The following PDK1 variants were observed in gnomAD, a reference collection of about 807,000 sequenced individuals.
The protein encoded by PDK1 is pyruvate dehydrogenase kinase 1.
A neutral mutation model predicts 54.2 loss-of-function variants in PDK1; 39 were observed. The ratio of observed to expected loss-of-function variants is 0.72; its 90% CI spans 0.56 to 0.94. PDK1 has a LOEUF of 0.94. Ranked by LOEUF, PDK1 falls within the 40% of genes least tolerant of loss-of-function variation. PDK1 has a pLI of 0.00. For synonymous variants in PDK1, 221 were observed against 207.1 expected, an observed-to-expected ratio of 1.07 and a Z score of -0.58; for missense variants, 552 against 566.0, an observed-to-expected ratio of 0.98 and a Z score of 0.25.
At chr2:172,702,604 CTTT>C in the PDK1 span, among the ~76,000 whole-genome samples, 5 of 139,754 alleles carry the variant, frequency 3.6e-5, no homozygotes, top group East Asian at 2.1e-4. Flanking sequence ...TCCTAACTGC[CTTT>C]TTTTTTTTTT....
chr2:172,564,957 G>T lies in PDK1; in HGVS notation c.596-21G>T, dbSNP rs373487872. Reference sequence around the variant, plus strand: ...TTAGGTGGTTTAGCTTATTTTGTTGGTTTTTTTCCTTTTTGGATAGCTTTA... The same window carrying T: ...TTAGGTGGTTTAGCTTATTTTGTTGTTTTTTTTCCTTTTTGGATAGCTTTA... On this transcript the variant is annotated intron_variant, in intron 4 of 10. Coordinates refer to ENST00000282077, the MANE Select transcript of PDK1 (RefSeq NM_002610.5). 2.2e-5 allele frequency: 35 copies of T among 1,560,968 alleles called. No homozygotes were observed. In the Middle Eastern group the frequency reaches 8.4e-4, roughly 37 times the overall value.
At chr2:172,713,856 C>A in the PDK1 span, among the ~76,000 whole-genome samples, 3 of 152,346 alleles carry the variant, frequency 2.0e-5, no homozygotes, top group Non-Finnish European at 4.4e-5. Flanking sequence ...GAGCGCACAG[C>A]CCTGGCTGCA....
At chr2:172,576,161 C>T (rs13009677) in intron 8 of PDK1, among the ~76,000 whole-genome samples, 9 of 152,180 alleles carry the variant, frequency 5.9e-5, no homozygotes, top group Admixed American at 2.6e-4. Context: ...CTCCTGACCT[C>T]GTGATCCACC....
At chr2:172,564,320 C>T (rs1688818884) in intron 3 of PDK1, among the ~76,000 whole-genome samples, 183 bp from the exon 4 acceptor site, 1 of 152,194 alleles carries the variant, frequency 6.6e-6, no homozygotes, top group African/African-American at 2.4e-5. Flanking sequence ...GGTCTGTATA[C>T]TTTCATAGAT....
intron 3 of PDK1, 101 bp from the exon 4 acceptor site, chr2:172,564,402 A>C: frequency 1.2e-6 from 1 of 865,460 alleles, no homozygotes; most frequent in Non-Finnish European, 1.8e-6. Context: ...CCTTTTATTA[A>C]ATTGGGGATT....
intron 8 of PDK1, among the ~76,000 whole-genome samples, chr2:172,575,340 T>C (rs1218369790): frequency 1.3e-5 from 2 of 152,144 alleles, no homozygotes; most frequent in African/African-American, 4.8e-5. Context: ...ATAGAATGAG[T>C]AGGGAATTTC....
chr2:172,558,965 T>C, intron 2 of PDK1, 116 bp downstream of exon 2: 1 of 1,110,050 alleles, frequency 9.0e-7, no homozygotes, highest in Non-Finnish European at 1.3e-6. Context: ...TTTGTTTTGT[T>C]TGAGACGGAG....
chr2:172,586,199 C>A, intron 8 of PDK1, 79 bp from the exon 9 acceptor site: 16 of 717,208 alleles, frequency 2.2e-5, no homozygotes, highest in South Asian at 4.6e-5. Flanking sequence ...AGCAGTTAAA[C>A]TGTGATGCTA....
chr2:172,685,654 C>A, the PDK1 span, among the ~76,000 whole-genome samples: 1 of 152,132 alleles, frequency 6.6e-6, no homozygotes, highest in African/African-American at 2.4e-5. Flanking sequence ...TTGATCATTG[C>A]AAATATGCCA....
the PDK1 span, among the ~76,000 whole-genome samples, chr2:172,622,703 CAT>C: frequency 3.3e-3 from 382 of 115,680 alleles, no homozygotes; most frequent in African/African-American, 8.4e-3. Context: ...GTTTATATCT[CAT>C]ATATTATGTG....
chr2:172,683,363 A>G, the PDK1 span, among the ~76,000 whole-genome samples: 961 of 147,170 alleles, frequency 6.5e-3, 5 homozygotes, highest in Middle Eastern at 0.014. Context: ...AAAAAAAAAC[A>G]ACTTATAAAG....
chr2:172,703,627 C>T, the PDK1 span, among the ~76,000 whole-genome samples: 7 of 151,734 alleles, frequency 4.6e-5, no homozygotes, highest in East Asian at 1.2e-3. Context: ...TAATTTTAGC[C>T]GAGGGAAGCC....
chr2:172,636,953 C>T, the PDK1 span, among the ~76,000 whole-genome samples: 1 of 152,160 alleles, frequency 6.6e-6, no homozygotes, highest in Non-Finnish European at 1.5e-5. Flanking sequence ...AAACTCAAAC[C>T]GTACCAAAGG....
chr2:172,558,841 A>G lies in PDK1; in HGVS notation c.330A>G (p.Val110=), dbSNP rs371246532. 1 of 1,610,630 alleles carries G rather than the reference A, an allele frequency of 6.2e-7. No homozygotes were observed. The highest frequency in any genetic ancestry group is 1.7e-5 in the Admixed American group (1 of 58,958). Residue 110 remains valine (V), a synonymous_variant, in exon 2 of 11, where the codon GTA becomes GTG. Transcript: ENST00000282077. ...TCAGGACACCATCCGTTCAATTGGTACAAAGCTGGTAAGATTCTCATCTTG... is the reference window on the plus strand; with the variant it reads ...TCAGGACACCATCCGTTCAATTGGTGCAAAGCTGGTAAGATTCTCATCTTG... ...NLLRTPSVQL[V]QSWYIQSLQE... is the part of the protein sequence containing the mutation.
intron 1 of PDK1, among the ~76,000 whole-genome samples, chr2:172,557,865 TC>T (rs779061826): frequency 2.6e-5 from 4 of 152,010 alleles, no homozygotes; most frequent in Non-Finnish European, 5.9e-5. Flanking sequence ...TTTTCCTCTT[TC>T]TTTTGAGACA....
intron 8 of PDK1, 83 bp from the exon 9 acceptor site, chr2:172,586,195 T>G: frequency 1.3e-6 from 1 of 787,734 alleles, no homozygotes; most frequent in Admixed American, 2.1e-5. Context: ...CACCAGCAGT[T>G]AAACTGTGAT....
At chr2:172,650,783 A>C in the PDK1 span, among the ~76,000 whole-genome samples, 2 of 152,154 alleles carry the variant, frequency 1.3e-5, no homozygotes, top group Non-Finnish European at 2.9e-5. Context: ...AGAGCTAACT[A>C]TCCTAAATAA....
chr2:172,626,983 A>G, the PDK1 span, among the ~76,000 whole-genome samples: 1 of 152,160 alleles, frequency 6.6e-6, no homozygotes, highest in Non-Finnish European at 1.5e-5. Context: ...AGAAAACCCC[A>G]CACAAATCCA....
At chr2:172,594,989 G>C (rs1236151851) in intron 10 of PDK1, among the ~76,000 whole-genome samples, 3 of 152,068 alleles carry the variant, frequency 2.0e-5, no homozygotes, top group Non-Finnish European at 4.4e-5. Context: ...TTCAAACCCA[G>C]GGCCAATAAA....
Sources: gnomAD v4.1 joint callset for allele counts (sites outside exome capture counted in the v4.1 genomes callset) on GRCh38, gnomAD v4.1.1 for gene constraint, MANE v1.5 for transcripts, NCBI Gene and HGNC (gene_info 2026-07-23, HGNC 2026-07-21) for gene names.